CSNK1G1: variants seen among roughly 807,000 people sequenced by gnomAD.
CSNK1G1 encodes casein kinase I isoform gamma-1.
In CSNK1G1, 22 loss-of-function variants were observed where a neutral mutation model predicts 59.6. That is an observed-to-expected ratio of 0.37 (90% CI 0.26 to 0.53). CSNK1G1 has a LOEUF of 0.53. Among genes scored for constraint, CSNK1G1 ranks in the 20% least tolerant of loss-of-function variants. The pLI, the probability that CSNK1G1 is intolerant of heterozygous loss-of-function variation, is 0.89. For missense variants in CSNK1G1, 384 were observed against 519.5 expected (o/e 0.74, Z 2.54); for synonymous variants, 179 against 177.1 (o/e 1.01, Z -0.08).
In CSNK1G1 at chr15:64,180,415, GATC is replaced by G. The variant is rs754897462; in HGVS notation, c.1144_1146del (p.Asp382del). On this transcript the variant is annotated inframe_deletion, in exon 11 of 12. Transcript: ENST00000303052. ...GGTGCATTGGAGTGGGCTCCCGTGG[GATC>G]ATCAACATTCAGCTCTCCATTGGTT... is the stretch of plus-strand genomic sequence containing the variant. The G allele has an allele frequency of 5.6e-6, 9 of 1,614,028 alleles. No individual in the cohort carries two copies. In the African/African-American group the frequency reaches 1.1e-4, roughly 19 times the overall value.
chr15:64,213,013 T>C (rs896616668), intron 6 of CSNK1G1, among the ~76,000 whole-genome samples: 2 of 152,122 alleles, frequency 1.3e-5, no homozygotes, highest in African/African-American at 4.8e-5. Context: ...CTCAAAAAAA[T>C]AAATAAAATA....
intron 10 of CSNK1G1, among the ~76,000 whole-genome samples, chr15:64,183,738 C>CTT (rs917788710): frequency 1.4e-5 from 2 of 141,714 alleles, no homozygotes; most frequent in South Asian, 2.3e-4. Flanking sequence ...TTATGTTTTT[C>CTT]TTTTTTTTTT....
At chr15:64,325,275 T>A in intron 1 of CSNK1G1, among the ~76,000 whole-genome samples, 1 of 152,214 alleles carries the variant, frequency 6.6e-6, no homozygotes, top group South Asian at 2.1e-4. Context: ...ATCTCACTCA[T>A]AAGCAGCATA....
At chr15:64,273,177 G>A (rs974932326) in intron 2 of CSNK1G1, among the ~76,000 whole-genome samples, 1 of 152,132 alleles carries the variant, frequency 6.6e-6, no homozygotes, top group Non-Finnish European at 1.5e-5. Context: ...CACAAAGGAA[G>A]GATAAAGATT....
chr15:64,183,724 A>G (rs979141821), intron 10 of CSNK1G1, among the ~76,000 whole-genome samples: 16 of 151,906 alleles, frequency 1.1e-4, no homozygotes, highest in Non-Finnish European at 2.1e-4. Flanking sequence ...AAACAATATT[A>G]TCTTTATGTT....
intron 2 of CSNK1G1, among the ~76,000 whole-genome samples, chr15:64,259,465 G>A (rs1892568751): frequency 6.8e-6 from 1 of 147,528 alleles, no homozygotes; most frequent in South Asian, 2.2e-4. Flanking sequence ...TTTCCTAAAA[G>A]AGAAAACAAA....
chr15:64,312,724 G>A (rs948370752), intron 1 of CSNK1G1, among the ~76,000 whole-genome samples: 4 of 152,152 alleles, frequency 2.6e-5, no homozygotes, highest in Admixed American at 6.6e-5. Flanking sequence ...AACGCCAAAA[G>A]CAATGGCAAC....
At chr15:64,177,474 T>C (rs1266809724) in intron 11 of CSNK1G1, among the ~76,000 whole-genome samples, 3 of 152,226 alleles carry the variant, frequency 2.0e-5, no homozygotes, top group African/African-American at 4.8e-5. Context: ...GATGGATTGA[T>C]AGCCCATGAA....
chr15:64,251,267 C>A (rs1052429334), intron 4 of CSNK1G1, among the ~76,000 whole-genome samples: 3 of 152,098 alleles, frequency 2.0e-5, no homozygotes, highest in Admixed American at 6.6e-5. Flanking sequence ...GAGTATTTGA[C>A]AAGTGGAAGG....
chr15:64,191,053 TG>T (rs1170948697), intron 10 of CSNK1G1, among the ~76,000 whole-genome samples: 1 of 152,136 alleles, frequency 6.6e-6, no homozygotes, highest in Admixed American at 6.6e-5. Context: ...TTTTTGCATT[TG>T]TTTTTTTGTT....
At chr15:64,342,287 T>C (rs1318698024) in intron 1 of CSNK1G1, among the ~76,000 whole-genome samples, 1 of 152,226 alleles carries the variant, frequency 6.6e-6, no homozygotes, top group African/African-American at 2.4e-5. Flanking sequence ...TGCTGATCTG[T>C]AAAACTGGAA....
chr15:64,170,610 G>C lies in CSNK1G1; in HGVS notation c.*1321C>G, dbSNP rs889728776. On this transcript the variant is annotated 3_prime_UTR_variant, in exon 12 of 12. Transcript: ENST00000303052. ...TCCTGGCCCTATAATGCCACACCCT[G>C]AGGTCCCTCTGGCAGGTGGAAGGCA... The C allele has an allele frequency of 6.6e-6, 1 of 152,558 alleles. No individual in the cohort carries two copies. The highest frequency in any genetic ancestry group is 1.5e-5 in the Non-Finnish European group (1 of 68,036). 9.5% of individuals were successfully genotyped at this position (152,558 alleles called of 1,614,324 possible). A position where few individuals can be genotyped will look rare whatever the true frequency, so the allele number is the denominator to read the frequency against.
At chr15:64,351,569 CTCTTA>C (rs1292388938) in intron 1 of CSNK1G1, among the ~76,000 whole-genome samples, 1 of 152,184 alleles carries the variant, frequency 6.6e-6, no homozygotes, top group Non-Finnish European at 1.5e-5. Context: ...AGTATACTAT[CTCTTA>C]TATCAAAATT....
intron 4 of CSNK1G1, 187 bp downstream of exon 4, chr15:64,251,323 CCT>C: frequency 3.9e-6 from 2 of 515,832 alleles, no homozygotes; most frequent in Non-Finnish European, 6.9e-6. Context: ...ACACAGTTCC[CCT>C]GTCAACTCAA....
At chr15:64,182,790 G>T (rs1244498654) in intron 10 of CSNK1G1, among the ~76,000 whole-genome samples, 2 of 152,140 alleles carry the variant, frequency 1.3e-5, no homozygotes, top group Admixed American at 6.5e-5. Context: ...AGATATACAA[G>T]AGTTTATTGC....
At chr15:64,253,911 G>A (rs948977084) in intron 3 of CSNK1G1, among the ~76,000 whole-genome samples, 6 of 152,000 alleles carry the variant, frequency 3.9e-5, no homozygotes, top group African/African-American at 7.3e-5. Flanking sequence ...AGGCTGAGGC[G>A]GGTGGATTGC....
chr15:64,188,496 G>T lies in CSNK1G1; in HGVS notation c.1108-8042C>A. On this transcript the variant is annotated intron_variant, in intron 10 of 11. Transcript: ENST00000303052. This position sits in a 1 kb window ranked among gnomAD's most constrained non-coding sequence, Gnocchi z 4.2. Reference sequence around the variant, plus strand: ...CTCTGATGATACATTCTGCTTAGGCGTTAGAAAGCATGAGAGCAAGATATG... The same window carrying T: ...CTCTGATGATACATTCTGCTTAGGCTTTAGAAAGCATGAGAGCAAGATATG... The T allele has an allele frequency of 6.5e-7, 1 of 1,530,884 alleles. No individual in the cohort carries two copies. The highest frequency in any genetic ancestry group is 8.8e-7 in the Non-Finnish European group (1 of 1,142,562). 94.8% of individuals were successfully genotyped at this position (1,530,884 alleles called of 1,614,324 possible).
At chr15:64,289,657 G>C (rs1401947290) in intron 2 of CSNK1G1, among the ~76,000 whole-genome samples, 1 of 152,090 alleles carries the variant, frequency 6.6e-6, no homozygotes, top group Non-Finnish European at 1.5e-5. Context: ...CTGAATGGGA[G>C]AAAATATTTG....
chr15:64,279,192 A>C (rs899104649), intron 2 of CSNK1G1, among the ~76,000 whole-genome samples: 3 of 151,960 alleles, frequency 2.0e-5, no homozygotes, highest in African/African-American at 7.3e-5. Flanking sequence ...GTGAATTTTT[A>C]TATATCCATA....
Sources: gnomAD v4.1 joint callset for allele counts (sites outside exome capture counted in the v4.1 genomes callset) on GRCh38, gnomAD v4.1.1 for gene constraint, Gnocchi (gnomAD v3.1) non-coding constraint, MANE v1.5 for transcripts, NCBI Gene and HGNC (gene_info 2026-07-23, HGNC 2026-07-21) for gene names.